The following GRM8 variants were observed in gnomAD, a reference collection of about 807,000 sequenced individuals.
The protein encoded by GRM8 is metabotropic glutamate receptor 8.
Under a neutral mutation model 87.2 loss-of-function variants are expected in GRM8, and 47 were observed. The ratio of observed to expected loss-of-function variants is 0.54; its 90% CI spans 0.43 to 0.69. The LOEUF is 0.69. Ranked by LOEUF, GRM8 falls within the 30% of genes least tolerant of loss-of-function variation. The probability of loss-of-function intolerance (pLI) is 0.00; values close to 1 mark genes in which losing one functional copy is unlikely to be tolerated. For missense variants in GRM8, 1,019 were observed against 1,139.2 expected (o/e 0.89, Z 1.52); for synonymous variants, 396 against 404.5 (o/e 0.98, Z 0.25).
chr7:127,150,653 C>T (rs1437586943), intron 2 of GRM8, among the ~76,000 whole-genome samples: 1 of 152,128 alleles, frequency 6.6e-6, no homozygotes, highest in Non-Finnish European at 1.5e-5. Flanking sequence ...GTAAAAGTCA[C>T]ATCCCAAACA....
intron 7 of GRM8, among the ~76,000 whole-genome samples, chr7:126,673,562 A>G (rs190969874): frequency 1.2e-4 from 19 of 152,282 alleles, no homozygotes; most frequent in Middle Eastern, 6.8e-3. Context: ...CCATCCTCCC[A>G]CTGTCTTTAT....
intron 2 of GRM8, among the ~76,000 whole-genome samples, chr7:127,227,449 T>C (rs1194571468): frequency 6.6e-6 from 1 of 152,232 alleles, no homozygotes; most frequent in Non-Finnish European, 1.5e-5. Context: ...ATGAAAAGCT[T>C]AATATAAATA....
At chr7:126,551,981 A>T (rs367931680) in intron 8 of GRM8, among the ~76,000 whole-genome samples, 2 of 152,170 alleles carry the variant, frequency 1.3e-5, no homozygotes, top group African/African-American at 4.8e-5. Flanking sequence ...ATCACATAAA[A>T]TGCCCATATG....
At position 126,546,694 on chromosome 7, in the gene GRM8, A is replaced by G. The variant is rs552101822; in HGVS notation, c.1495-12807T>C. ...TCTCACAGGACACTTAGAATAAGGT[A>G]AATGTTTGTTTCATGGTTTGAGAAT... On this transcript the variant is annotated intron_variant, in intron 8 of 10. Transcript: ENST00000339582. 3.3e-5 allele frequency among the ~76,000 whole-genome samples: 5 copies of G among 152,316 alleles called. No individual in the cohort carries two copies. The East Asian group carries it at 9.6e-4, about 29-fold the overall frequency.
intron 9 of GRM8, among the ~76,000 whole-genome samples, chr7:126,519,262 T>C (rs926812815): frequency 6.6e-6 from 1 of 152,014 alleles, no homozygotes; most frequent in African/African-American, 2.4e-5. Flanking sequence ...TGTAAAATAA[T>C]GGACATCCAG....
intron 2 of GRM8, among the ~76,000 whole-genome samples, chr7:127,191,898 G>A (rs187404882): frequency 1.8e-3 from 269 of 152,198 alleles, no homozygotes; most frequent in African/African-American, 6.0e-3. Flanking sequence ...TTTGGGGCTG[G>A]TACCGCATTA....
At chr7:127,140,696 CAA>C (rs1828213930) in intron 2 of GRM8, among the ~76,000 whole-genome samples, 1 of 152,044 alleles carries the variant, frequency 6.6e-6, no homozygotes, top group South Asian at 2.1e-4. Context: ...GGGTCACCTC[CAA>C]TTTTGTCTCT....
chr7:126,619,163 G>A (rs1799839345), intron 7 of GRM8, among the ~76,000 whole-genome samples: 1 of 152,176 alleles, frequency 6.6e-6, no homozygotes, highest in Non-Finnish European at 1.5e-5. Context: ...AGAAAATGTG[G>A]CACATATACA....
At chr7:126,862,939 C>G (rs1798259662) in intron 6 of GRM8, among the ~76,000 whole-genome samples, 1 of 152,002 alleles carries the variant, frequency 6.6e-6, no homozygotes, top group East Asian at 1.9e-4. Context: ...TTTCTCCATT[C>G]TTTCTGTTTG....
chr7:126,746,180 A>G (rs772787094), intron 7 of GRM8, among the ~76,000 whole-genome samples: 7 of 151,816 alleles, frequency 4.6e-5, no homozygotes, highest in Non-Finnish European at 8.9e-5. Context: ...TAAATATCAC[A>G]TTTCCTGTGA....
chr7:126,900,963 A>G (rs891526668), intron 6 of GRM8, among the ~76,000 whole-genome samples: 2 of 152,092 alleles, frequency 1.3e-5, no homozygotes, highest in Non-Finnish European at 2.9e-5. Flanking sequence ...AATTCTCTAG[A>G]TGAAGAGCCT....
intron 3 of GRM8, among the ~76,000 whole-genome samples, chr7:127,031,614 T>C (rs1817372052): frequency 6.6e-6 from 1 of 152,150 alleles, no homozygotes; most frequent in Non-Finnish European, 1.5e-5. Flanking sequence ...CATCAACAAA[T>C]TAATAAGATC....
intron 6 of GRM8, among the ~76,000 whole-genome samples, chr7:126,857,208 A>G (rs78735905): frequency 0.014 from 2,092 of 152,282 alleles, 51 homozygotes; most frequent in African/African-American, 0.048. Flanking sequence ...ACAGGAGGGT[A>G]TCTTTGCTTT....
intron 6 of GRM8, among the ~76,000 whole-genome samples, chr7:126,775,752 C>T (rs1413797998): frequency 6.6e-6 from 1 of 151,980 alleles, no homozygotes; most frequent in East Asian, 1.9e-4. Flanking sequence ...GGATCCAGGT[C>T]CCAGCTGGAC....
chr7:127,184,095 A>G (rs958142966), intron 2 of GRM8, among the ~76,000 whole-genome samples: 4 of 151,892 alleles, frequency 2.6e-5, no homozygotes, highest in Admixed American at 1.3e-4. Flanking sequence ...TTTAAGGAAA[A>G]AATGATACAA....
At chr7:126,688,920 T>C (rs1023064268) in intron 7 of GRM8, among the ~76,000 whole-genome samples, 1 of 152,172 alleles carries the variant, frequency 6.6e-6, no homozygotes, top group African/African-American at 2.4e-5. Context: ...TTGATGGTGT[T>C]ACAGTGCTTT....
intron 7 of GRM8, among the ~76,000 whole-genome samples, chr7:126,656,147 AT>A (rs1165491373): frequency 1.3e-5 from 2 of 152,182 alleles, no homozygotes; most frequent in Non-Finnish European, 2.9e-5. Flanking sequence ...CAATAAAATA[AT>A]TCCAAGGGGC....
chr7:126,885,778 T>A (rs1271612648), intron 6 of GRM8, among the ~76,000 whole-genome samples: 5 of 152,306 alleles, frequency 3.3e-5, no homozygotes, highest in South Asian at 2.1e-4. Context: ...AGGGGTGAGA[T>A]AAATGGCAAT....
chr7:127,144,153 G>T (rs1032217155), intron 2 of GRM8, among the ~76,000 whole-genome samples: 2 of 152,030 alleles, frequency 1.3e-5, no homozygotes, highest in South Asian at 2.1e-4. Flanking sequence ...AACAGTGTGG[G>T]CACTAAATAA....
Sources: allele counts gnomAD v4.1 joint callset (sites outside exome capture counted in the v4.1 genomes callset), GRCh38; gene constraint gnomAD v4.1.1; transcripts MANE v1.5; gene names NCBI Gene and HGNC (gene_info 2026-07-23, HGNC 2026-07-21).